The following FNDC3B variants were observed in gnomAD, a reference collection of about 807,000 sequenced individuals.
The protein encoded by FNDC3B is fibronectin type III domain-containing protein 3B.
FNDC3B carries 12 observed loss-of-function variants against 151.5 expected under a neutral mutation model. The observed-to-expected ratio is 0.08, with a 90% CI of 0.05 to 0.13. The LOEUF (loss-of-function observed/expected upper bound fraction) is 0.13. FNDC3B is among the 10% of genes least tolerant of loss of function. The probability of loss-of-function intolerance (pLI) is 1.00; values close to 1 mark genes in which losing one functional copy is unlikely to be tolerated. For synonymous variants in FNDC3B, 528 were observed against 549.0 expected, an observed-to-expected ratio of 0.96 and a Z score of 0.54; for missense variants, 1,214 against 1,505.3, an observed-to-expected ratio of 0.81 and a Z score of 3.20.
At chr3:172,142,759 TAGTC>T (rs906282960) in intron 3 of FNDC3B, among the ~76,000 whole-genome samples, 5 of 152,202 alleles carry the variant, frequency 3.3e-5, no homozygotes, top group Non-Finnish European at 7.3e-5. Context: ...ATACTTGTCT[TAGTC>T]TGTCTGGGCT....
At chr3:172,261,751 G>T (rs552793291) in intron 6 of FNDC3B, among the ~76,000 whole-genome samples, 1 of 152,296 alleles carries the variant, frequency 6.6e-6, no homozygotes, top group South Asian at 2.1e-4. Context: ...CTCAGTGCAT[G>T]CAATTTACAA....
At chr3:172,057,830 T>C (rs1716989221) in intron 1 of FNDC3B, among the ~76,000 whole-genome samples, 1 of 151,788 alleles carries the variant, frequency 6.6e-6, no homozygotes, top group Non-Finnish European at 1.5e-5. Context: ...AGGCAGGAAA[T>C]GCTGTCTACA....
At chr3:172,392,694 GGTGA>G (rs1736068238) in intron 25 of FNDC3B, among the ~76,000 whole-genome samples, 1 of 151,824 alleles carries the variant, frequency 6.6e-6, no homozygotes. Context: ...TTTAGGCAAA[GGTGA>G]GTTTGTTGGA....
rs1735407492 is a variant in FNDC3B, at chr3:172,380,995, T to A, written c.3205T>A (p.Ser1069Thr). 6.2e-7 allele frequency: 1 copy of A among 1,613,570 alleles called. No homozygotes were observed. Among genetic ancestry groups the A allele is most frequent in the African/African-American group, 1.3e-5 (1 of 74,892 alleles). ...APRVTQLEGN[S>T]CEILWETVPS... ...TCGAGTAACACAGTTAGAAGGAAATTCATGTGAAATTTTATGGGAGACGGT... is the reference window on the plus strand; with the variant it reads ...TCGAGTAACACAGTTAGAAGGAAATACATGTGAAATTTTATGGGAGACGGT... The change falls in exon 25 of 26, where the codon TCA becomes ACA. Residue 1069 changes from serine (S) to threonine (T), a missense_variant. Coordinates refer to ENST00000415807, the MANE Select transcript of FNDC3B (RefSeq NM_022763.4).
At chr3:172,320,987 C>G (rs1332946840) in intron 11 of FNDC3B, among the ~76,000 whole-genome samples, 2 of 152,210 alleles carry the variant, frequency 1.3e-5, no homozygotes, top group African/African-American at 4.8e-5. Flanking sequence ...TAAACATACT[C>G]TAAATATTAG....
intron 2 of FNDC3B, among the ~76,000 whole-genome samples, chr3:172,122,273 A>G (rs1236849945): frequency 1.8e-5 from 2 of 111,238 alleles, no homozygotes; most frequent in Non-Finnish European, 4.0e-5. Context: ...GCAGATACTC[A>G]TTCTCGTTCT....
chr3:172,065,977 T>C (rs1717477364), intron 1 of FNDC3B, among the ~76,000 whole-genome samples: 2 of 152,230 alleles, frequency 1.3e-5, no homozygotes, highest in South Asian at 2.1e-4. Context: ...GTAGTTACTT[T>C]GTCAACCTAA....
chr3:172,257,817 T>C, intron 6 of FNDC3B, among the ~76,000 whole-genome samples: 1 of 152,136 alleles, frequency 6.6e-6, no homozygotes, highest in East Asian at 1.9e-4. Flanking sequence ...ATACAGGCTG[T>C]GTAGGTGGGG....
chr3:172,382,584 G>A (rs762149958), intron 25 of FNDC3B, among the ~76,000 whole-genome samples: 4 of 152,088 alleles, frequency 2.6e-5, no homozygotes, highest in Admixed American at 1.3e-4. Flanking sequence ...TTTCTTCTAC[G>A]GTTTTTATGA....
intron 4 of FNDC3B, among the ~76,000 whole-genome samples, chr3:172,230,302 G>A (rs1726821860): frequency 6.7e-6 from 1 of 148,706 alleles, no homozygotes; most frequent in Non-Finnish European, 1.5e-5. Context: ...AGACCAGCCT[G>A]ACCAACATGA....
chr3:172,146,462 G>T (rs1309062971), intron 3 of FNDC3B, among the ~76,000 whole-genome samples: 1 of 152,124 alleles, frequency 6.6e-6, no homozygotes, highest in Non-Finnish European at 1.5e-5. Flanking sequence ...GAGCCCAGGG[G>T]AATTGTCAGA....
intron 1 of FNDC3B, among the ~76,000 whole-genome samples, chr3:172,067,743 G>A (rs1223679645): frequency 2.6e-5 from 4 of 152,102 alleles, no homozygotes. Flanking sequence ...TTTGCATCTT[G>A]TTAGGGATTT....
chr3:172,086,923 T>TA (rs1269916091), intron 1 of FNDC3B, among the ~76,000 whole-genome samples: 1 of 152,218 alleles, frequency 6.6e-6, no homozygotes, highest in East Asian at 1.9e-4. Context: ...CTGTGTCACA[T>TA]ACCTTAGAAA....
chr3:172,221,207 AT>A (rs1304455665), intron 3 of FNDC3B, among the ~76,000 whole-genome samples: 2 of 151,880 alleles, frequency 1.3e-5, no homozygotes, highest in Admixed American at 1.3e-4. Context: ...GAGATTTTCT[AT>A]ACGTTGGGAT....
intron 1 of FNDC3B, among the ~76,000 whole-genome samples, chr3:172,094,211 C>T (rs1223172288): frequency 6.7e-6 from 1 of 148,844 alleles, no homozygotes; most frequent in Non-Finnish European, 1.5e-5. Context: ...CCACCACTAG[C>T]AAATTCTAGA....
intron 7 of FNDC3B, among the ~76,000 whole-genome samples, chr3:172,293,538 G>T (rs1730447370): frequency 1.3e-5 from 2 of 152,200 alleles, no homozygotes; most frequent in Admixed American, 1.3e-4. Context: ...TCCTTAGGGA[G>T]TCTCAAAGCC....
intron 1 of FNDC3B, among the ~76,000 whole-genome samples, chr3:172,082,730 A>C (rs1401189204): frequency 1.3e-5 from 2 of 152,154 alleles, no homozygotes; most frequent in East Asian, 3.8e-4. Flanking sequence ...GAGAAGTTTG[A>C]CTTAATGTGG....
chr3:172,287,562 A>G (rs1369377629), intron 7 of FNDC3B, among the ~76,000 whole-genome samples: 1 of 152,210 alleles, frequency 6.6e-6, no homozygotes, highest in Non-Finnish European at 1.5e-5. Flanking sequence ...AAGAAGAAAA[A>G]TCTGTAAGGA....
chr3:172,328,332 CA>C (rs1416077353), intron 11 of FNDC3B, among the ~76,000 whole-genome samples: 1 of 152,208 alleles, frequency 6.6e-6, no homozygotes, highest in African/African-American at 2.4e-5. Flanking sequence ...ATGAGCAAAG[CA>C]GACGTGGACA....
Sources: allele counts gnomAD v4.1 joint callset (sites outside exome capture counted in the v4.1 genomes callset), GRCh38; gene constraint gnomAD v4.1.1; transcripts MANE v1.5; gene names NCBI Gene and HGNC (gene_info 2026-07-23, HGNC 2026-07-21).